Variants in ZPBP observed in about 807,000 individuals in gnomAD.
ZPBP encodes zona pellucida-binding protein 1.
In ZPBP, 26 loss-of-function variants were observed where a neutral mutation model predicts 44.8. That is an observed-to-expected ratio of 0.58 (90% confidence interval 0.43 to 0.81). The LOEUF is 0.81. Ranked by LOEUF, ZPBP falls within the 30% of genes least tolerant of loss-of-function variation. ZPBP has a pLI of 0.00. For synonymous variants in ZPBP, 174 were observed against 153.2 expected (o/e 1.14, Z -1.00); for missense variants, 409 against 434.0 (o/e 0.94, Z 0.51).
chr7:49,983,325 C>G lies in ZPBP; in HGVS notation c.961+17G>C. ...TTTTCAACAATATAAAACATGAAAT[C>G]ATAATTCATTACATACCACAGCACT... On this transcript the variant is annotated intron_variant, in intron 7 of 7. Coordinates refer to ENST00000046087, the MANE Select transcript of ZPBP (RefSeq NM_007009.3). The G allele has an allele frequency of 1.2e-6, 2 of 1,611,362 alleles. No homozygotes were observed. The highest frequency in any genetic ancestry group is 1.7e-6 in the Non-Finnish European group (2 of 1,178,146).
intron 2 of ZPBP, among the ~76,000 whole-genome samples, chr7:49,855,057 T>C (rs1429205891): frequency 6.6e-6 from 1 of 152,212 alleles, no homozygotes; most frequent in East Asian, 1.9e-4. Flanking sequence ...TCGGCTTCTA[T>C]ATTTGAAAAT....
intron 2 of ZPBP, among the ~76,000 whole-genome samples, chr7:49,886,035 G>A (rs1014039388): frequency 6.6e-6 from 1 of 152,226 alleles, no homozygotes; most frequent in African/African-American, 2.4e-5. Context: ...GAGTGGAGAG[G>A]TCAGGAAAGC....
At chr7:50,023,997 T>G (rs763410794) in intron 5 of ZPBP, among the ~76,000 whole-genome samples, 7 of 151,802 alleles carry the variant, frequency 4.6e-5, no homozygotes, top group Non-Finnish European at 1.0e-4. Context: ...TGTGGAATAA[T>G]AGCATAAGTT....
intron 6 of ZPBP, among the ~76,000 whole-genome samples, chr7:49,993,870 T>G (rs922360943): frequency 6.6e-6 from 1 of 152,104 alleles, no homozygotes; most frequent in East Asian, 1.9e-4. Context: ...GACTGGTAGC[T>G]GAGGAGAAAG....
intron 5 of ZPBP, among the ~76,000 whole-genome samples, chr7:50,019,339 T>C (rs1012424633): frequency 6.6e-6 from 1 of 152,114 alleles, no homozygotes; most frequent in Admixed American, 6.6e-5. Context: ...TCATTTTCCA[T>C]AAAATTCTTC....
chr7:49,864,763 G>A (rs1395177861), intron 2 of ZPBP, among the ~76,000 whole-genome samples: 7 of 152,196 alleles, frequency 4.6e-5, no homozygotes, highest in East Asian at 3.8e-4. Context: ...TTCTGAACCC[G>A]GGACCAAGTT....
chr7:49,867,237 A>G (rs902680899), intron 2 of ZPBP, among the ~76,000 whole-genome samples: 1 of 152,242 alleles, frequency 6.6e-6, no homozygotes, highest in African/African-American at 2.4e-5. Flanking sequence ...ACAATGCCAT[A>G]GGAATATGAT....
chr7:49,906,376 C>T lies in ZPBP; in HGVS notation n.412-5161G>A, dbSNP rs143646608. On this transcript the variant is annotated intron_variant and non_coding_transcript_variant, in intron 1 of 2. Transcript: ENST00000465922. ...TTGAGACAGAGTCTTGCTCTGTCGC[C>T]CAGGCTGGAGTGCAGTGGCGGCGAC... Among the ~76,000 whole-genome samples the T allele has an allele frequency of 3.3e-3, 509 of 152,148 alleles. 1 individual carries two copies. The highest frequency in any genetic ancestry group is 0.011 in the African/African-American group (470 of 41,518).
chr7:50,062,858 G>T (rs565123320), intron 3 of ZPBP, among the ~76,000 whole-genome samples: 1 of 152,214 alleles, frequency 6.6e-6, no homozygotes, highest in South Asian at 2.1e-4. Flanking sequence ...ATTGTAGCTG[G>T]ATTGATAAGG....
At chr7:49,912,176 G>A (rs750604430) in intron 1 of ZPBP, 1 of 1,613,710 alleles carries the variant, frequency 6.2e-7, no homozygotes, top group East Asian at 2.2e-5. Context: ...ATGAATGCAG[G>A]CAAATGTAGA....
chr7:50,024,559 GAAATACTATAGGCTCAGAAAGAA>G (rs1434686382), intron 5 of ZPBP, among the ~76,000 whole-genome samples: 1 of 151,834 alleles, frequency 6.6e-6, no homozygotes, highest in Non-Finnish European at 1.5e-5. Context: ...TATGTTAAGT[GAAATACTATAGGCTCAGAAAGAA>G]AAATACAGAA....
chr7:50,089,223 A>T (rs1802821569), intron 2 of ZPBP, among the ~76,000 whole-genome samples: 1 of 152,104 alleles, frequency 6.6e-6, no homozygotes, highest in Non-Finnish European at 1.5e-5. Flanking sequence ...ATTTTATGGC[A>T]TGTGAATTTG....
downstream of ZPBP, among the ~76,000 whole-genome samples, chr7:49,846,209 A>T (rs994448369): frequency 6.6e-6 from 1 of 152,134 alleles, no homozygotes; most frequent in Admixed American, 6.6e-5. Context: ...CCATCACTCC[A>T]TTTGGTGCAA....
intron 7 of ZPBP, among the ~76,000 whole-genome samples, chr7:49,979,107 C>T (rs970983787): frequency 2.0e-5 from 3 of 151,570 alleles, no homozygotes; most frequent in African/African-American, 4.9e-5. Context: ...GCAAAATTCC[C>T]CCCCATAAAC....
chr7:49,848,411 G>A (rs1790044253), downstream of ZPBP, among the ~76,000 whole-genome samples: 7 of 152,310 alleles, frequency 4.6e-5, no homozygotes, highest in Admixed American at 4.6e-4. Flanking sequence ...GCCGGGCATG[G>A]CCCCGGACCA....
At chr7:49,868,968 A>G (rs886263344) in intron 2 of ZPBP, among the ~76,000 whole-genome samples, 1 of 152,238 alleles carries the variant, frequency 6.6e-6, no homozygotes, top group Non-Finnish European at 1.5e-5. Context: ...CTTGTGTCAA[A>G]TATATGTACA....
chr7:49,973,462 T>C lies in ZPBP; in HGVS notation c.961+9880A>G, dbSNP rs565121759. Among the ~76,000 whole-genome samples the C allele has an allele frequency of 7.9e-5, 12 of 152,112 alleles. No homozygotes were observed. In the South Asian group the frequency reaches 2.3e-3, roughly 29 times the overall value. ...ACACATCTGATAAGCTATTAATGTC[T>C]AGAATATATAAAGAACTCCTAAAAC... On this transcript the variant is annotated intron_variant, in intron 7 of 7. Coordinates refer to ENST00000046087, the MANE Select transcript of ZPBP (RefSeq NM_007009.3).
At chr7:49,864,922 C>T (rs1214900568) in intron 2 of ZPBP, among the ~76,000 whole-genome samples, 4 of 152,148 alleles carry the variant, frequency 2.6e-5, no homozygotes, top group Non-Finnish European at 5.9e-5. Context: ...CTGTTTTCCA[C>T]GTTTCTAATG....
At chr7:49,841,278 T>G in the ZPBP span, among the ~76,000 whole-genome samples, 1 of 151,668 alleles carries the variant, frequency 6.6e-6, no homozygotes, top group Non-Finnish European at 1.5e-5. Flanking sequence ...AGCTAGTATT[T>G]GCTGAAACAG....
Sources: gnomAD v4.1 joint callset for allele counts (sites outside exome capture counted in the v4.1 genomes callset) on GRCh38, gnomAD v4.1.1 for gene constraint, MANE v1.5 for transcripts, NCBI Gene and HGNC (gene_info 2026-07-23, HGNC 2026-07-21) for gene names.